The following PPFIA4 variants were observed in gnomAD, a reference collection of about 807,000 sequenced individuals.
PPFIA4 encodes liprin-alpha-4.
PPFIA4 carries 98 observed loss-of-function variants against 145.7 expected under a neutral mutation model. The observed-to-expected ratio is 0.67, with a 90% CI of 0.57 to 0.80. The LOEUF (loss-of-function observed/expected upper bound fraction) is 0.80. Ranked by LOEUF, PPFIA4 falls within the 30% of genes least tolerant of loss-of-function variation. PPFIA4 has a pLI of 0.00. For missense variants in PPFIA4, 1,457 were observed against 1,632.7 expected, an observed-to-expected ratio of 0.89 and a Z score of 1.85; for synonymous variants, 628 against 649.6, an observed-to-expected ratio of 0.97 and a Z score of 0.51.
chr1:203,072,661 T>C (rs1662253305), intron 28 of PPFIA4, among the ~76,000 whole-genome samples: 1 of 152,168 alleles, frequency 6.6e-6, no homozygotes, highest in Non-Finnish European at 1.5e-5. Flanking sequence ...TTTTCGCTGC[T>C]CTGTCTTCAG....
intron 28 of PPFIA4, among the ~76,000 whole-genome samples, chr1:203,073,134 T>C (rs1662285676): frequency 6.6e-6 from 1 of 152,236 alleles, no homozygotes; most frequent in South Asian, 2.1e-4. Context: ...GTGCCAGGCA[T>C]GGTGGTTAGT....
Position 203,067,712 on chromosome 1 carries a change from G to A in PPFIA4, c.3068G>A (p.Gly1023Asp). The A allele has an allele frequency of 1.2e-6, 2 of 1,613,868 alleles. No individual in the cohort carries two copies. The highest frequency in any genetic ancestry group is 1.1e-5 in the South Asian group (1 of 91,088). The change falls in exon 26 of 30, where the codon GGC becomes GAC. Residue 1023 changes from glycine (G) to aspartate (D), a missense_variant. Around this residue, in one of 3 missense-constraint regions of PPFIA4, gnomAD observed 848 missense variants for 1,046.7 expected, o/e 0.81. Transcript: ENST00000295706. ...GCCTGCAGAACCAGTCTTCAGTATG[G>A]CATCATGTGTCTGAAGAGGCTGAAT... ...DSFHRTSLQYGIMCLKRLNYD... is the reference protein window; with the variant it reads ...DSFHRTSLQYDIMCLKRLNYD...
rs936314976 is a variant in PPFIA4, at chr1:203,060,019, C to G, written c.2583+168C>G. Among the ~76,000 whole-genome samples, 5 of 152,190 alleles carry G rather than the reference C, an allele frequency of 3.3e-5. No individual in the cohort carries two copies. Among genetic ancestry groups the G allele is most frequent in the Non-Finnish European group, 7.3e-5 (5 of 68,032 alleles). ...TCCCCCTCCCCAACACACACACATACCAGTCGCAGGAGAGAGTTGATGCTA... is the reference window on the plus strand; with the variant it reads ...TCCCCCTCCCCAACACACACACATAGCAGTCGCAGGAGAGAGTTGATGCTA... On this transcript the variant is annotated intron_variant, in intron 21 of 29. Transcript: ENST00000295706. This position sits in a 1 kb window ranked among gnomAD's most constrained non-coding sequence, Gnocchi z 4.8.
At chr1:203,049,979 C>T (rs551468026) in intron 13 of PPFIA4, among the ~76,000 whole-genome samples, 8 of 152,208 alleles carry the variant, frequency 5.3e-5, no homozygotes, top group Non-Finnish European at 1.0e-4. Context: ...TGCTGAGAGG[C>T]GAGTCATCAG....
chr1:203,056,214 T>C, intron 17 of PPFIA4, 59 bp downstream of exon 17: 1 of 1,611,478 alleles, frequency 6.2e-7, no homozygotes, highest in South Asian at 1.1e-5. Flanking sequence ...GCCCTTTCCT[T>C]TCAGCTTCCT....
At chr1:203,046,538 C>T (rs972792121) in intron 9 of PPFIA4, 156 bp downstream of exon 9, 13 of 823,450 alleles carry the variant, frequency 1.6e-5, no homozygotes, top group Non-Finnish European at 2.4e-5. Flanking sequence ...TGCCTTGTGC[C>T]TGTCAGTTGG....
intron 6 of PPFIA4, 82 bp downstream of exon 6, chr1:203,044,867 T>C: frequency 1.8e-6 from 2 of 1,100,388 alleles, no homozygotes; most frequent in South Asian, 2.7e-5. Context: ...CTTAGTTCAG[T>C]AGACTAACTG....
At position 203,062,016 on chromosome 1, in the gene PPFIA4, G is replaced by T. The variant is rs374987055; in HGVS notation, c.2874+338G>T. On this transcript the variant is annotated intron_variant, in intron 24 of 29. Transcript: ENST00000295706. ...CCTCTCAGGGGCACCCTGGTGAACT[G>T]AGCGAAGGTCTTTCATCCATTTCAT... 1.2e-4 allele frequency among the ~76,000 whole-genome samples: 18 copies of T among 152,260 alleles called. 2 individuals are homozygous for T. The highest frequency in any genetic ancestry group is 7.8e-4 in the Admixed American group (12 of 15,290).
chr1:203,051,557 T>TC, intron 13 of PPFIA4: 1 of 893,540 alleles, frequency 1.1e-6, no homozygotes, highest in Non-Finnish European at 1.5e-6. Context: ...TGGAACTTTC[T>TC]CCCCTGGCTC....
chr1:203,048,808 T>C lies in PPFIA4; in HGVS notation c.1356+94T>C. The C allele has an allele frequency of 1.4e-6, 2 of 1,481,126 alleles. No homozygotes were observed. The highest frequency in any genetic ancestry group is 2.6e-5 in the South Asian group (2 of 78,328). 91.7% of individuals were successfully genotyped at this position (1,481,126 alleles called of 1,614,324 possible). ...GTGATGGGCGCAGGCGGGGTCTCAATGGGGTGGGTGGCCAGCCTGGAGAGG... is the reference window on the plus strand; with the variant it reads ...GTGATGGGCGCAGGCGGGGTCTCAACGGGGTGGGTGGCCAGCCTGGAGAGG... On this transcript the variant is annotated intron_variant, in intron 11 of 29. Transcript: ENST00000295706. The surrounding 1 kb of genome is among the most constrained non-coding windows in gnomAD (Gnocchi z 5.8).
chr1:203,045,302 G>A (rs1022837253), intron 6 of PPFIA4, 66 bp from the exon 7 acceptor site: 1 of 1,375,632 alleles, frequency 7.3e-7, no homozygotes, highest in South Asian at 1.4e-5. Flanking sequence ...TCCACCCCTG[G>A]GATAGGGGAG....
Position 203,051,761 on chromosome 1 carries a change from C to G in PPFIA4, c.1512-8C>G. On this transcript the variant is annotated splice_region_variant and splice_polypyrimidine_tract_variant and intron_variant, in intron 13 of 29. Coordinates refer to ENST00000295706, the MANE Select transcript of PPFIA4 (RefSeq NM_001304331.2). ...GCCTGTCTTTTCTCTCCCCCATCAC[C>G]GCTCAAGGTCGCACATGGGCAGTGC... 6.2e-7 allele frequency: 1 copy of G among 1,607,540 alleles called. No homozygotes were observed. Among genetic ancestry groups the G allele is most frequent in the Non-Finnish European group, 8.5e-7 (1 of 1,177,222 alleles).
chr1:203,049,870 T>TGGG, intron 13 of PPFIA4, 103 bp downstream of exon 13: 5 of 1,035,458 alleles, frequency 4.8e-6, no homozygotes, highest in Non-Finnish European at 6.6e-6. Context: ...CTCAGGGTCC[T>TGGG]CCTCCTGTTC....
At chr1:203,058,317 C>T (rs550835075) in intron 19 of PPFIA4, among the ~76,000 whole-genome samples, 27 of 152,100 alleles carry the variant, frequency 1.8e-4, no homozygotes, top group African/African-American at 5.1e-4. Context: ...GGTCTGGGAA[C>T]GGGGAGGAGG....
Position 203,052,048 on chromosome 1 carries a change from C to G in PPFIA4, c.1620+171C>G, listed in dbSNP as rs565812070. Among the ~76,000 whole-genome samples the G allele has an allele frequency of 1.8e-4, 24 of 136,368 alleles. No homozygotes were observed. In the East Asian group the frequency reaches 4.9e-3, roughly 28 times the overall value. The allele number at this position is 136,368 out of a possible 152,430, so 89.5% of individuals were successfully genotyped here. ...CATCGTCAGCTGCAACAGCTGTGCC[C>G]CCCCCCCCGCTTGCCTTGGCCTCCT... is the stretch of plus-strand genomic sequence containing the variant. On this transcript the variant is annotated intron_variant, in intron 14 of 29. Coordinates refer to ENST00000295706, the MANE Select transcript of PPFIA4 (RefSeq NM_001304331.2).
intron 1 of PPFIA4, among the ~76,000 whole-genome samples, chr1:203,032,071 T>TGTGTG (rs1558060391): frequency 6.6e-6 from 1 of 151,860 alleles, no homozygotes; most frequent in Non-Finnish European, 1.5e-5. Context: ...TGTGTGTGTG[T>TGTGTG]TTTAGCAGGG....
At chr1:203,076,131 C>A (rs923216965) in intron 29 of PPFIA4, 5 of 618,892 alleles carry the variant, frequency 8.1e-6, no homozygotes, top group Non-Finnish European at 1.4e-5. Context: ...CTCGGCCCCA[C>A]GCACCTGCCC....
chr1:203,075,596 G>T lies in PPFIA4; in HGVS notation c.3413G>T (p.Arg1138Leu). Residue 1138 changes from arginine to leucine, a missense_variant, in exon 29 of 30, where the codon CGC becomes CTC. Transcript: ENST00000295706. This position sits in a 1 kb window ranked among gnomAD's most constrained non-coding sequence, Gnocchi z 4.1. ...GTGCAGGGGGATGACAAGGTGTTTC[G>T]CCGCGCGCCCTCCTGGAGGAAGCGC... Reference protein sequence around the residue: ...KLDDGDDKVFRRAPSWRKRFR... With the variant: ...KLDDGDDKVFLRAPSWRKRFR... 1 of 1,461,324 alleles carries T rather than the reference G, an allele frequency of 6.8e-7. No individual in the cohort carries two copies. Among genetic ancestry groups the T allele is most frequent in the Non-Finnish European group, 9.1e-7 (1 of 1,103,528 alleles). 90.5% of individuals were successfully genotyped at this position (1,461,324 alleles called of 1,614,324 possible). A position where few individuals can be genotyped will look rare whatever the true frequency, so the allele number is the denominator to read the frequency against.
At chr1:203,069,348 A>T (rs1661966401) in intron 27 of PPFIA4, among the ~76,000 whole-genome samples, 1 of 152,208 alleles carries the variant, frequency 6.6e-6, no homozygotes, top group African/African-American at 2.4e-5. Flanking sequence ...TGCCCCTGTC[A>T]GGCCCCTGGG....
Sources: allele counts gnomAD v4.1 joint callset (sites outside exome capture counted in the v4.1 genomes callset), GRCh38; gene constraint gnomAD v4.1.1; regional missense constraint gnomAD v4.1.1; non-coding constraint Gnocchi (gnomAD v3.1); transcripts MANE v1.5; gene names NCBI Gene and HGNC (gene_info 2026-07-23, HGNC 2026-07-21).